Variants in LSAMP observed in about 807,000 individuals in gnomAD.
LSAMP encodes the protein limbic system associated membrane protein, also known as limbic system-associated membrane protein.
LSAMP carries 7 observed loss-of-function variants against 38.6 expected under a neutral mutation model. That is an observed-to-expected ratio of 0.18 (90% confidence interval 0.10 to 0.34). The LOEUF is 0.34. Ranked by LOEUF, LSAMP falls within the 10% of genes least tolerant of loss-of-function variation. LSAMP has a pLI of 1.00. For missense variants in LSAMP, 313 were observed against 420.0 expected (o/e 0.75, Z 2.23); for synonymous variants, 154 against 166.8 (o/e 0.92, Z 0.59).
chr3:116,359,667 T>C (rs1449656788), intron 1 of LSAMP, among the ~76,000 whole-genome samples: 2 of 152,190 alleles, frequency 1.3e-5, no homozygotes, highest in Non-Finnish European at 2.9e-5. Context: ...ACATATGTCA[T>C]GGTGGTTTGC....
intron 1 of LSAMP, among the ~76,000 whole-genome samples, chr3:116,136,587 T>G (rs1159696126): frequency 6.6e-6 from 1 of 152,166 alleles, no homozygotes; most frequent in Non-Finnish European, 1.5e-5. Flanking sequence ...CCTCCCAGTT[T>G]CAAAAGTTGC....
chr3:115,973,788 G>A (rs1939096100), intron 3 of LSAMP, among the ~76,000 whole-genome samples: 1 of 151,976 alleles, frequency 6.6e-6, no homozygotes, highest in Admixed American at 6.6e-5. Context: ...GAGACTGAAG[G>A]TAATTTTATG....
chr3:115,986,694 A>G (rs1939519112), intron 3 of LSAMP, among the ~76,000 whole-genome samples: 1 of 151,996 alleles, frequency 6.6e-6, no homozygotes, highest in Non-Finnish European at 1.5e-5. Flanking sequence ...CCACTGGAAA[A>G]AAAAAGAGGG....
At chr3:116,303,741 C>T (rs1185266455) in intron 1 of LSAMP, among the ~76,000 whole-genome samples, 2 of 152,158 alleles carry the variant, frequency 1.3e-5, no homozygotes, top group African/African-American at 4.8e-5. Flanking sequence ...ATAATCAGTA[C>T]GTGCGGATTG....
intron 1 of LSAMP, among the ~76,000 whole-genome samples, chr3:116,416,191 T>C (rs1379210564): frequency 6.6e-6 from 1 of 152,192 alleles, no homozygotes; most frequent in East Asian, 1.9e-4. Context: ...CAAGCACTAA[T>C]TGAGCACTTC....
At chr3:116,064,416 G>A (rs1196715838) in intron 2 of LSAMP, among the ~76,000 whole-genome samples, 1 of 151,062 alleles carries the variant, frequency 6.6e-6, no homozygotes, top group African/African-American at 2.4e-5. Context: ...TCGGGAGGCT[G>A]AGGCAGGAGA....
chr3:116,292,142 C>A (rs1288868828), intron 1 of LSAMP, among the ~76,000 whole-genome samples: 1 of 152,142 alleles, frequency 6.6e-6, no homozygotes, highest in African/African-American at 2.4e-5. Flanking sequence ...TTATTTATTT[C>A]ATTTCTGCAG....
intron 3 of LSAMP, among the ~76,000 whole-genome samples, chr3:115,928,973 G>GTTTTTTTTTTTTTGTT: frequency 9.1e-6 from 1 of 109,928 alleles, no homozygotes; most frequent in Non-Finnish European, 1.8e-5. Context: ...TTTTTTGTTT[G>GTTTTTTTTTTTTTGTT]TTTTTTTTTT....
intron 1 of LSAMP, among the ~76,000 whole-genome samples, chr3:116,128,010 G>A (rs1186735568): frequency 6.6e-6 from 1 of 152,200 alleles, no homozygotes; most frequent in Admixed American, 6.5e-5. Flanking sequence ...GCCAAATTAG[G>A]TGATTGGGAC....
intron 1 of LSAMP, among the ~76,000 whole-genome samples, chr3:116,300,586 C>G (rs938198994): frequency 6.6e-6 from 1 of 152,134 alleles, no homozygotes; most frequent in Admixed American, 6.5e-5. Context: ...CTCATAGGAG[C>G]GTGAACCCTT....
chr3:115,919,331 G>A (rs959517940), intron 3 of LSAMP, among the ~76,000 whole-genome samples: 6 of 152,266 alleles, frequency 3.9e-5, no homozygotes, highest in Non-Finnish European at 7.3e-5. Flanking sequence ...CATAGTCTAG[G>A]AAGATTTAAT....
chr3:116,245,513 T>C (rs1293213755), intron 1 of LSAMP, among the ~76,000 whole-genome samples: 1 of 152,192 alleles, frequency 6.6e-6, no homozygotes, highest in Non-Finnish European at 1.5e-5. Context: ...CTCTTAGCTT[T>C]TAACTCATGT....
At chr3:116,055,648 A>T (rs1054814527) in intron 2 of LSAMP, among the ~76,000 whole-genome samples, 4 of 152,198 alleles carry the variant, frequency 2.6e-5, no homozygotes, top group Non-Finnish European at 4.4e-5. Flanking sequence ...ATTGCAAACC[A>T]TGTTTCCTGG....
intron 3 of LSAMP, among the ~76,000 whole-genome samples, chr3:115,988,691 CAT>C (rs1169232165): frequency 6.6e-6 from 1 of 152,042 alleles, no homozygotes; most frequent in Non-Finnish European, 1.5e-5. Flanking sequence ...AATTTAAACA[CAT>C]ATTTACTTCT....
chr3:116,123,587 C>T (rs996335589), intron 1 of LSAMP, among the ~76,000 whole-genome samples: 31 of 152,320 alleles, frequency 2.0e-4, no homozygotes, highest in African/African-American at 7.2e-4. Flanking sequence ...CTTTCCTTTA[C>T]ATCTTTCATT....
intron 3 of LSAMP, among the ~76,000 whole-genome samples, chr3:115,891,511 T>C (rs904189590): frequency 2.0e-5 from 3 of 152,148 alleles, no homozygotes; most frequent in Middle Eastern, 6.8e-3. Flanking sequence ...AGATCAGCAG[T>C]CACCTGGCCC....
chr3:116,025,413 T>C lies in LSAMP; in HGVS notation c.389-5773A>G, dbSNP rs192083126. Among the ~76,000 whole-genome samples, 336 of 152,254 alleles carry C rather than the reference T, an allele frequency of 2.2e-3. 2 individuals are homozygous for C. Among genetic ancestry groups the C allele is most frequent in the African/African-American group, 7.3e-3 (304 of 41,584 alleles). The stretch of plus-strand genomic sequence containing the variant: ...TCTTTGGCTCTTACTTTTTTGTTTA[T>C]GATTATTTTTGTTTTGCTGAAGTTT... On this transcript the variant is annotated intron_variant, in intron 2 of 6. Coordinates refer to ENST00000490035, the MANE Select transcript of LSAMP (RefSeq NM_002338.5).
At chr3:115,986,427 A>G (rs936260629) in intron 3 of LSAMP, among the ~76,000 whole-genome samples, 1 of 152,178 alleles carries the variant, frequency 6.6e-6, no homozygotes, top group Non-Finnish European at 1.5e-5. Context: ...TACATATATC[A>G]CCAAAAAAAT....
chr3:116,391,058 A>G (rs73151105), intron 1 of LSAMP, among the ~76,000 whole-genome samples: 4 of 152,200 alleles, frequency 2.6e-5, no homozygotes, highest in African/African-American at 7.2e-5. Context: ...GAGTTGAGCC[A>G]AAGTTGTCCA....
Sources: allele counts gnomAD v4.1 joint callset (sites outside exome capture counted in the v4.1 genomes callset), GRCh38; gene constraint gnomAD v4.1.1; transcripts MANE v1.5; gene names NCBI Gene and HGNC (gene_info 2026-07-23, HGNC 2026-07-21).